SOCS6: variants seen among roughly 807,000 people sequenced by gnomAD.
The protein encoded by SOCS6 is STAT induced STAT inhibitor-4.
SOCS6 carries 5 observed loss-of-function variants against 27.7 expected under a neutral mutation model. That is an observed-to-expected ratio of 0.18 (90% CI 0.09 to 0.38). The LOEUF is 0.38. Ranked by LOEUF, SOCS6 falls within the 10% of genes least tolerant of loss-of-function variation. SOCS6 has a pLI of 1.00. For synonymous variants in SOCS6, 271 were observed against 260.0 expected (o/e 1.04, Z -0.41); for missense variants, 595 against 688.1 (o/e 0.86, Z 1.51).
In SOCS6 at chr18:70,330,017, T is replaced by C. The variant is rs1439562284; in HGVS notation, c.*3741T>C. The C allele has an allele frequency of 6.0e-6, 1 of 167,098 alleles. No homozygotes were observed. Among genetic ancestry groups the C allele is most frequent in the Non-Finnish European group, 1.5e-5 (1 of 68,118 alleles). The allele number at this position is 167,098 out of a possible 1,614,324, so 10.4% of individuals were successfully genotyped here. On this transcript the variant is annotated 3_prime_UTR_variant, in exon 2 of 2. Coordinates refer to ENST00000397942, the MANE Select transcript of SOCS6 (RefSeq NM_004232.4). ...CTTTTTCTGTATGTTTCAAATCAGGTGTGTACCATTTGTACTGAGAACACC... is the reference window on the plus strand; with the variant it reads ...CTTTTTCTGTATGTTTCAAATCAGGCGTGTACCATTTGTACTGAGAACACC...
chr18:70,305,604 T>A (rs1348456253), intron 1 of SOCS6, among the ~76,000 whole-genome samples: 1 of 152,246 alleles, frequency 6.6e-6, no homozygotes, highest in Non-Finnish European at 1.5e-5. Flanking sequence ...AAGAGCTTAC[T>A]AAGCTTTTGA....
In SOCS6 at chr18:70,303,813, A is replaced by T. The variant is rs564588134; in HGVS notation, c.-127+14723A>T. Among the ~76,000 whole-genome samples the T allele has an allele frequency of 5.6e-4, 86 of 152,306 alleles. 1 individual carries two copies. Among genetic ancestry groups the T allele is most frequent in the African/African-American group, 2.0e-3 (84 of 41,576 alleles). On this transcript the variant is annotated intron_variant, in intron 1 of 1. Coordinates refer to ENST00000397942, the MANE Select transcript of SOCS6 (RefSeq NM_004232.4). ...AAAAACTAATAATAATAAATTTTTT[A>T]AAAAAGACACTTTCAGGCAATCAAT...
intron 1 of SOCS6, among the ~76,000 whole-genome samples, chr18:70,297,880 CT>C (rs2062331180): frequency 1.3e-5 from 2 of 152,262 alleles, no homozygotes; most frequent in South Asian, 4.1e-4. Context: ...TTTGGATGTA[CT>C]TTAGAAATGG....
chr18:70,324,911 T>C lies in SOCS6; in HGVS notation c.243T>C (p.Leu81=), dbSNP rs753158403. The C allele has an allele frequency of 2.5e-5, 40 of 1,614,166 alleles. No individual in the cohort carries two copies. Among genetic ancestry groups the C allele is most frequent in the East Asian group, 6.7e-5 (3 of 44,886 alleles). ...TGATGGGTACGCTAAAAAGGCGGCT[T>C]TCTGCAAAACAGAAGTCAAAAGGCA... ...ESLMGTLKRR[L]SAKQKSKGKA... Residue 81 remains leucine (L), a synonymous_variant, in exon 2 of 2, where the codon CTT becomes CTC. Coordinates refer to ENST00000397942, the MANE Select transcript of SOCS6 (RefSeq NM_004232.4).
chr18:70,299,413 G>T (rs2146265417), intron 1 of SOCS6, among the ~76,000 whole-genome samples: 1 of 152,338 alleles, frequency 6.6e-6, no homozygotes, highest in South Asian at 2.1e-4. Flanking sequence ...AGCACGGGGG[G>T]ACGTGGAGTT....
chr18:70,302,839 G>C (rs1051366857), intron 1 of SOCS6, among the ~76,000 whole-genome samples: 8 of 152,030 alleles, frequency 5.3e-5, no homozygotes, highest in Admixed American at 2.0e-4. Context: ...AGGCTGTCTA[G>C]GTTCTACCAA....
At chr18:70,306,942 T>A (rs2062372080) in intron 1 of SOCS6, among the ~76,000 whole-genome samples, 1 of 152,174 alleles carries the variant, frequency 6.6e-6, no homozygotes, top group African/African-American at 2.4e-5. Context: ...TTTTATATGT[T>A]GCTGAATTCA....
chr18:70,294,378 C>T (rs1245649187), intron 1 of SOCS6, among the ~76,000 whole-genome samples: 1 of 151,612 alleles, frequency 6.6e-6, no homozygotes, highest in Admixed American at 6.6e-5. Context: ...GAGGGGAGTT[C>T]CCTCAATTTT....
Position 70,289,099 on chromosome 18 carries a change from C to T in SOCS6, c.-127+9C>T, listed in dbSNP as rs2062286337. The T allele has an allele frequency of 6.7e-6, 1 of 149,668 alleles. No individual in the cohort carries two copies. The highest frequency in any genetic ancestry group is 6.6e-5 in the Admixed American group (1 of 15,080). 9.3% of individuals were successfully genotyped at this position (149,668 alleles called of 1,614,324 possible). ...AGCCGGGCCGCCTCCGGGTAAGCGT[C>T]CGGGGAGCTCGGGCGGGAGGCAGGG... is the stretch of plus-strand genomic sequence containing the variant. On this transcript the variant is annotated intron_variant, in intron 1 of 1. Transcript: ENST00000397942.
At chr18:70,322,089 TAA>T (rs2146295228) in intron 1 of SOCS6, among the ~76,000 whole-genome samples, 1 of 152,350 alleles carries the variant, frequency 6.6e-6, no homozygotes, top group South Asian at 2.1e-4. Context: ...CCCATATGGA[TAA>T]AGTTTATGTC....
intron 1 of SOCS6, among the ~76,000 whole-genome samples, chr18:70,315,637 G>A (rs966544671): frequency 6.6e-6 from 1 of 151,928 alleles, no homozygotes; most frequent in African/African-American, 2.4e-5. Context: ...GTTTAATGCT[G>A]TTACTTTTTA....
In SOCS6 at chr18:70,324,680, T is replaced by C. The variant is rs753711665; in HGVS notation, c.12T>C (p.Ile4=). The C allele has an allele frequency of 3.8e-6, 6 of 1,571,798 alleles. No individual in the cohort carries two copies. The South Asian group carries it at 7.0e-5, about 18-fold the overall frequency. The change falls in exon 2 of 2, where the codon ATT becomes ATC. Residue 4 remains isoleucine, a synonymous_variant. Transcript: ENST00000397942. ...GGTAACTAGTCATAATGAAGAAAAT[T>C]AGTCTTAAAACCTTACGGAAATCTT... MKK[I]SLKTLRKSFN... is the part of the protein sequence containing the mutation.
At chr18:70,300,032 G>A (rs1231354700) in intron 1 of SOCS6, among the ~76,000 whole-genome samples, 2 of 152,144 alleles carry the variant, frequency 1.3e-5, no homozygotes, top group Admixed American at 6.6e-5. Context: ...TAAAGACAGT[G>A]ATGAATTGGC....
At position 70,325,385 on chromosome 18, in the gene SOCS6, C is replaced by G; in HGVS notation, c.717C>G (p.Ser239Arg). 1 of 1,614,174 alleles carries G rather than the reference C, an allele frequency of 6.2e-7. No individual in the cohort carries two copies. The highest frequency in any genetic ancestry group is 8.5e-7 in the Non-Finnish European group (1 of 1,180,024). ...EGMYPLEGSRSYCLDSSSPME... is the reference protein window; with the variant it reads ...EGMYPLEGSRRYCLDSSSPME... The stretch of plus-strand genomic sequence containing the variant: ...TGTATCCTTTGGAAGGATCACGGAG[C>G]TATTGTCTGGACAGCTCTTCTCCCA... The change falls in exon 2 of 2, where the codon AGC becomes AGG. Residue 239 changes from serine to arginine, a missense_variant. Ser to Arg is a moderately radical substitution (Grantham distance 110). Coordinates refer to ENST00000397942, the MANE Select transcript of SOCS6 (RefSeq NM_004232.4). The surrounding 1 kb of genome is among the most constrained non-coding windows in gnomAD (Gnocchi z 6.3).
chr18:70,298,237 A>G lies in SOCS6; in HGVS notation c.-127+9147A>G, dbSNP rs1333742202. On this transcript the variant is annotated intron_variant, in intron 1 of 1. Transcript: ENST00000397942. ...TAAAAACAAAACATCTTTGTTCATAATTTGTCAAATTCTGAAAGAATCTTA... is the reference window on the plus strand; with the variant it reads ...TAAAAACAAAACATCTTTGTTCATAGTTTGTCAAATTCTGAAAGAATCTTA... 2.6e-5 allele frequency among the ~76,000 whole-genome samples: 4 copies of G among 152,190 alleles called. No individual in the cohort carries two copies. In the East Asian group the frequency reaches 5.8e-4, roughly 22 times the overall value.
intron 1 of SOCS6, among the ~76,000 whole-genome samples, chr18:70,311,830 GA>G (rs1478435160): frequency 6.6e-6 from 1 of 151,966 alleles, no homozygotes; most frequent in Non-Finnish European, 1.5e-5. Flanking sequence ...CTAGTCTGAT[GA>G]TTTTTTTTTA....
At chr18:70,304,271 C>T (rs1164540551) in intron 1 of SOCS6, among the ~76,000 whole-genome samples, 1 of 152,118 alleles carries the variant, frequency 6.6e-6, no homozygotes, top group East Asian at 1.9e-4. Flanking sequence ...TCTGGATGAA[C>T]TGATACAGAA....
At position 70,294,806 on chromosome 18, in the gene SOCS6, G is replaced by A. The variant is rs1237114929; in HGVS notation, c.-127+5716G>A. Among the ~76,000 whole-genome samples, 7 of 152,162 alleles carry A rather than the reference G, an allele frequency of 4.6e-5. No homozygotes were observed. In the East Asian group the frequency reaches 5.8e-4, roughly 13 times the overall value. ...GGAGACCGAGAACAAAAAAGATGCC[G>A]CACTTGCCTTCTCTGCAGAGCCTTC... On this transcript the variant is annotated intron_variant, in intron 1 of 1. Coordinates refer to ENST00000397942, the MANE Select transcript of SOCS6 (RefSeq NM_004232.4).
At position 70,328,555 on chromosome 18, in the gene SOCS6, A is replaced by G. The variant is rs1911296858; in HGVS notation, c.*2279A>G. The G allele has an allele frequency of 6.0e-6, 1 of 166,986 alleles. No individual in the cohort carries two copies. Among genetic ancestry groups the G allele is most frequent in the Admixed American group, 6.5e-5 (1 of 15,280 alleles). 10.3% of individuals were successfully genotyped at this position (166,986 alleles called of 1,614,324 possible). ...TGTTTTAGTGGAGGACAGTCTTGAT[A>G]CTGTTCTAATTCAGAAAGCCAAATT... is the stretch of plus-strand genomic sequence containing the variant. On this transcript the variant is annotated 3_prime_UTR_variant, in exon 2 of 2. Transcript: ENST00000397942.
Sources: gnomAD v4.1 joint callset for allele counts (sites outside exome capture counted in the v4.1 genomes callset) on GRCh38, gnomAD v4.1.1 for gene constraint, Gnocchi (gnomAD v3.1) non-coding constraint, MANE v1.5 for transcripts, NCBI Gene and HGNC (gene_info 2026-07-23, HGNC 2026-07-21) for gene names.